SHANK2: variants seen among roughly 807,000 people sequenced by gnomAD.
SHANK2 encodes SH3 and multiple ankyrin repeat domains protein 2.
A neutral mutation model predicts 133.7 loss-of-function variants in SHANK2; 43 were observed. The ratio of observed to expected loss-of-function variants is 0.32; its 90% CI spans 0.25 to 0.41. The LOEUF (loss-of-function observed/expected upper bound fraction) is 0.41, where lower values mean the gene tolerates loss of function less well. Among genes scored for constraint, SHANK2 ranks in the 10% least tolerant of loss-of-function variants. SHANK2 has a pLI of 1.00. For missense variants in SHANK2, 1,994 were observed against 2,235.8 expected (o/e 0.89, Z 2.18); for synonymous variants, 1,017 against 952.8 (o/e 1.07, Z -1.24).
chr11:70,779,706 CTCTGATCTTCAAGGAGCTG>C, intron 14 of SHANK2, among the ~76,000 whole-genome samples: 1 of 152,284 alleles, frequency 6.6e-6, no homozygotes, highest in African/African-American at 2.4e-5. Context: ...CAATATCCTC[CTCTGATCTTCAAGGAGCTG>C]AGGCGCTTGG....
chr11:70,847,482 G>A (rs1555063827), intron 11 of SHANK2, among the ~76,000 whole-genome samples: 1 of 152,148 alleles, frequency 6.6e-6, no homozygotes. Flanking sequence ...AGGGGGAAAT[G>A]TGCCTGACTG....
intron 17 of SHANK2, chr11:70,604,474 G>C (rs782561832): frequency 6.6e-6 from 1 of 152,662 alleles, no homozygotes; most frequent in Admixed American, 6.5e-5. Context: ...AGGTGGTGCT[G>C]GTGCTCTGGG....
At chr11:71,191,121 C>G (rs547797922) in intron 2 of SHANK2, among the ~76,000 whole-genome samples, 1 of 151,580 alleles carries the variant, frequency 6.6e-6, no homozygotes, top group Non-Finnish European at 1.5e-5. Flanking sequence ...CAGTAAGCCA[C>G]GATTGCTCCG....
At chr11:71,206,560 G>T (rs907554687) in intron 2 of SHANK2, among the ~76,000 whole-genome samples, 3 of 152,224 alleles carry the variant, frequency 2.0e-5, no homozygotes, top group Non-Finnish European at 2.9e-5. Context: ...CAGAACCACA[G>T]CAAAATTACA....
chr11:70,768,152 G>A (rs1184454207), intron 14 of SHANK2, among the ~76,000 whole-genome samples: 1 of 152,190 alleles, frequency 6.6e-6, no homozygotes, highest in Non-Finnish European at 1.5e-5. Context: ...GGCCAGGAGT[G>A]GCATCAAAGA....
chr11:70,743,107 C>T (rs1004099294), intron 14 of SHANK2, among the ~76,000 whole-genome samples: 17 of 151,422 alleles, frequency 1.1e-4, no homozygotes, highest in African/African-American at 3.9e-4. Context: ...CGGTGCTGAG[C>T]GGTGGGGACA....
At chr11:70,876,330 G>A (rs1345072765) in intron 11 of SHANK2, among the ~76,000 whole-genome samples, 2 of 150,766 alleles carry the variant, frequency 1.3e-5, no homozygotes, top group Non-Finnish European at 1.5e-5. Flanking sequence ...GGGAGGCCGA[G>A]GCGGGCAGAT....
chr11:70,859,023 G>A (rs1297151496), intron 11 of SHANK2, among the ~76,000 whole-genome samples: 1 of 152,224 alleles, frequency 6.6e-6, no homozygotes, highest in Non-Finnish European at 1.5e-5. Flanking sequence ...TGGGCCTAGA[G>A]TCATAAAATG....
chr11:70,537,607 G>C (rs1382693959), intron 17 of SHANK2, among the ~76,000 whole-genome samples: 1 of 152,226 alleles, frequency 6.6e-6, no homozygotes, highest in Non-Finnish European at 1.5e-5. Context: ...TGAGGCTGCT[G>C]TCTGACTTCT....
At chr11:71,057,060 C>T (rs1015864507) in intron 9 of SHANK2, among the ~76,000 whole-genome samples, 5 of 152,190 alleles carry the variant, frequency 3.3e-5, no homozygotes, top group South Asian at 2.1e-4. Flanking sequence ...ATTGGCCATG[C>T]GCAGTAGCTC....
chr11:70,590,262 G>C (rs1450878419), intron 17 of SHANK2, among the ~76,000 whole-genome samples: 1 of 152,194 alleles, frequency 6.6e-6, no homozygotes, highest in Non-Finnish European at 1.5e-5. Flanking sequence ...TTGCTTCTTA[G>C]GGACAAGCAA....
intron 4 of SHANK2, among the ~76,000 whole-genome samples, chr11:71,117,357 C>T (rs1555100558): frequency 2.0e-5 from 3 of 152,170 alleles, no homozygotes; most frequent in Admixed American, 6.5e-5. Context: ...CAGACTATCG[C>T]GAGGAATATG....
chr11:70,827,688 AAAACACAC>A (rs1158070613), intron 11 of SHANK2, among the ~76,000 whole-genome samples: 323 of 34,906 alleles, frequency 9.3e-3, no homozygotes, highest in African/African-American at 0.03. Context: ...TCAGAAATTT[AAAACACAC>A]ACACACACAC....
In SHANK2 at chr11:71,092,452, TTTGCAGCACACA is replaced by T; in HGVS notation, c.870_881del (p.Val291_Lys294del). The T allele has an allele frequency of 6.4e-7, 1 of 1,551,390 alleles. No individual in the cohort carries two copies. ...GGATCTCGTGCCAGCCGTTCTCATC[TTTGCAGCACACA>T]GTGGCGTGTTCGTGCAGGAGAAGCT... is the stretch of plus-strand genomic sequence containing the variant. On this transcript the variant is annotated inframe_deletion, in exon 8 of 26. Coordinates refer to ENST00000601538, the MANE Select transcript of SHANK2 (RefSeq NM_012309.5).
intron 14 of SHANK2, among the ~76,000 whole-genome samples, chr11:70,780,800 C>T (rs1947466874): frequency 6.6e-6 from 1 of 152,142 alleles, no homozygotes; most frequent in African/African-American, 2.4e-5. Context: ...TCTCAAACTC[C>T]TGACCTCAGG....
At chr11:70,933,911 A>AAC (rs1385315348) in intron 10 of SHANK2, among the ~76,000 whole-genome samples, 4 of 150,718 alleles carry the variant, frequency 2.7e-5, no homozygotes, top group Admixed American at 6.6e-5. Context: ...AAAAAAAAAA[A>AAC]AAACAAAAAA....
At chr11:70,815,384 T>C (rs1410213717) in intron 12 of SHANK2, among the ~76,000 whole-genome samples, 1 of 152,064 alleles carries the variant, frequency 6.6e-6, no homozygotes. Flanking sequence ...GGGACAGCCC[T>C]GCCACAGGCT....
intron 11 of SHANK2, among the ~76,000 whole-genome samples, chr11:70,889,282 C>G (rs1361495555): frequency 5.3e-5 from 8 of 152,136 alleles, no homozygotes; most frequent in African/African-American, 1.9e-4. Context: ...GGTGATGCAT[C>G]CACAAGCCCA....
At chr11:70,821,530 A>G (rs1334629007) in intron 11 of SHANK2, among the ~76,000 whole-genome samples, 1 of 152,080 alleles carries the variant, frequency 6.6e-6, no homozygotes, top group Non-Finnish European at 1.5e-5. Flanking sequence ...GGCTCAAACA[A>G]TTCTCCTGCC....
Sources: allele counts gnomAD v4.1 joint callset (sites outside exome capture counted in the v4.1 genomes callset), GRCh38; gene constraint gnomAD v4.1.1; transcripts MANE v1.5; gene names NCBI Gene and HGNC (gene_info 2026-07-23, HGNC 2026-07-21).